SYMPK: variants seen among roughly 807,000 people sequenced by gnomAD.
SYMPK encodes the protein symplekin scaffold protein.
SYMPK carries 49 observed loss-of-function variants against 136.4 expected under a neutral mutation model. That is an observed-to-expected ratio of 0.36 (90% CI 0.29 to 0.46). The LOEUF is 0.46. SYMPK is among the 20% of genes least tolerant of loss of function. SYMPK has a pLI of 1.00. For missense variants in SYMPK, 1,365 were observed against 1,690.0 expected (o/e 0.81, Z 3.37); for synonymous variants, 766 against 713.0 (o/e 1.07, Z -1.19).
intron 10 of SYMPK, 78 bp downstream of exon 10, chr19:45,838,383 G>A: frequency 6.6e-7 from 1 of 1,505,270 alleles, no homozygotes; most frequent in South Asian, 1.3e-5. Context: ...GGTGGATGGT[G>A]TGAAGTGGAG....
intron 12 of SYMPK, 68 bp from the exon 13 acceptor site, chr19:45,830,272 C>T (rs1971137552): frequency 2.0e-6 from 3 of 1,528,346 alleles, no homozygotes; most frequent in East Asian, 2.4e-5. Context: ...TGGTGACTCT[C>T]CCAACTTCAA....
intron 11 of SYMPK, among the ~76,000 whole-genome samples, chr19:45,833,698 T>C (rs1414819307): frequency 6.6e-6 from 1 of 152,250 alleles, no homozygotes; most frequent in South Asian, 2.1e-4. Flanking sequence ...TTCAATGCCC[T>C]GAGGCATCTC....
At chr19:45,829,250 C>G in intron 13 of SYMPK, 45 bp from the exon 14 acceptor site, 1 of 1,547,620 alleles carries the variant, frequency 6.5e-7, no homozygotes, top group Non-Finnish European at 8.9e-7. Context: ...GTGGGCAATC[C>G]AGGGACTCCG....
In SYMPK at chr19:45,821,405, C is replaced by G; in HGVS notation, c.2872G>C (p.Asp958His). 6.2e-7 allele frequency: 1 copy of G among 1,613,912 alleles called. No individual in the cohort carries two copies. The highest frequency in any genetic ancestry group is 8.5e-7 in the Non-Finnish European group (1 of 1,179,904). ...TCACCTTTGATGATGGATTTCATGTCGCACTTCACGGAGTCAATGTTGTGT... is the reference window on the plus strand; with the variant it reads ...TCACCTTTGATGATGGATTTCATGTGGCACTTCACGGAGTCAATGTTGTGT... ...ALHNIDSVKCDMKSIIKATNL... is the reference protein window; with the variant it reads ...ALHNIDSVKCHMKSIIKATNL... The change falls in exon 22 of 27, where the codon GAC (aspartate) becomes CAC (histidine). Residue 958 changes from aspartate to histidine, a missense_variant. Around this residue, in one of 11 missense-constraint regions of SYMPK, gnomAD observed 156 missense variants for 217.8 expected, o/e 0.72. Coordinates refer to ENST00000245934, the MANE Select transcript of SYMPK (RefSeq NM_004819.3). This position sits in a 1 kb window ranked among gnomAD's most constrained non-coding sequence, Gnocchi z 4.4.
At chr19:45,844,231 G>A (rs1971509960) in intron 7 of SYMPK, 31 bp from the exon 8 acceptor site, 1 of 1,519,684 alleles carries the variant, frequency 6.6e-7, no homozygotes, top group Non-Finnish European at 8.9e-7. Flanking sequence ...CCAGTCAGTG[G>A]GATCCGTTTT....
chr19:45,839,846 CA>C (rs1397497326), intron 9 of SYMPK, among the ~76,000 whole-genome samples: 2 of 149,592 alleles, frequency 1.3e-5, no homozygotes, highest in African/African-American at 4.9e-5. Context: ...CAAAACAAAA[CA>C]AAACAAAAAA....
intron 14 of SYMPK, 63 bp downstream of exon 14, chr19:45,828,907 G>C: frequency 2.0e-6 from 3 of 1,519,796 alleles, no homozygotes; most frequent in Non-Finnish European, 2.7e-6. Flanking sequence ...AATCAGAAAG[G>C]GAGGGCAGCA....
chr19:45,847,830 C>T lies in SYMPK; in HGVS notation c.598G>A (p.Asp200Asn). 6.2e-7 allele frequency: 1 copy of T among 1,614,082 alleles called. No individual in the cohort carries two copies. Among genetic ancestry groups the T allele is most frequent in the Non-Finnish European group, 8.5e-7 (1 of 1,180,022 alleles). The change falls in exon 7 of 27, where the codon GAC becomes AAC. Residue 200 changes from aspartate (D) to asparagine (N), a missense_variant. Physicochemically the swap from Asp to Asn is conservative, Grantham distance 23. This residue lies in a region of SYMPK where 237 missense variants were observed against 292.9 expected (regional missense o/e 0.81). Transcript: ENST00000245934. ...TCCTGGCGTCGGGGTATCTCTGAGT[C>T]AGCCATGCGGGGTGACAGGGTGACA... is the stretch of plus-strand genomic sequence containing the variant. ...LIVTLSPRMA[D>N]SEIPRRQEHD... is the part of the protein sequence containing the mutation.
chr19:45,828,089 G>A (rs922139470), intron 14 of SYMPK, 171 bp from the exon 15 acceptor site: 11 of 600,880 alleles, frequency 1.8e-5, no homozygotes, highest in Middle Eastern at 4.2e-4. Flanking sequence ...AAAAGCTGGC[G>A]GCTGGATGAT....
chr19:45,837,904 C>T (rs1971341666), intron 10 of SYMPK, among the ~76,000 whole-genome samples: 1 of 152,056 alleles, frequency 6.6e-6, no homozygotes, highest in Non-Finnish European at 1.5e-5. Flanking sequence ...AAGTGTAGTT[C>T]TGCCACATGA....
intron 22 of SYMPK, 86 bp from the exon 23 acceptor site, chr19:45,818,232 G>A (rs987094271): frequency 1.5e-6 from 2 of 1,345,922 alleles, no homozygotes; most frequent in African/African-American, 2.9e-5. Context: ...GTCTGCCCAT[G>A]TGAGGGGAAG....
rs1302827301 is a variant in SYMPK at position 45,831,572 on chromosome 19, T to C, written c.1410A>G (p.Lys470=). 6.2e-7 allele frequency: 1 copy of C among 1,606,152 alleles called. No individual in the cohort carries two copies. Residue 470 remains lysine, a synonymous_variant, in exon 12 of 27, where the codon AAA becomes AAG. Transcript: ENST00000245934. ...CCTCCTTGGGCTCCTCCTTGCACTG[T>C]TTGGTCTGCTCTACACCTGAGGGGG... ...AGLGPGVEQT[K]QCKEEPKEEK...
At chr19:45,815,771 C>T in intron 26 of SYMPK, 74 bp from the exon 27 acceptor site, 1 of 1,586,408 alleles carries the variant, frequency 6.3e-7, no homozygotes, top group Non-Finnish European at 8.6e-7. Context: ...AGGCCCTGCC[C>T]CCTGATGGCC....
At position 45,821,327 on chromosome 19, in the gene SYMPK, G is replaced by A. The variant is rs899767977; in HGVS notation, c.2893+57C>T. The A allele has an allele frequency of 1.4e-5, 18 of 1,304,912 alleles. No individual in the cohort carries two copies. Among genetic ancestry groups the A allele is most frequent in the East Asian group, 2.3e-5 (1 of 43,480 alleles). The allele number at this position is 1,304,912 out of a possible 1,614,324, so 80.8% of individuals were successfully genotyped here. A position where few individuals can be genotyped will look rare whatever the true frequency, so the allele number is the denominator to read the frequency against. ...CCAGTGGGGGCATGTGGGTGACTGA[G>A]GTCCTGCCCTGGCGTCGCAGGGGCC... On this transcript the variant is annotated intron_variant, in intron 22 of 26. Transcript: ENST00000245934. The surrounding 1 kb of genome is among the most constrained non-coding windows in gnomAD (Gnocchi z 4.4).
At chr19:45,828,789 T>C (rs764848962) in intron 14 of SYMPK, 181 bp downstream of exon 14, 32 of 621,830 alleles carry the variant, frequency 5.1e-5, no homozygotes, top group Non-Finnish European at 8.2e-5. Flanking sequence ...GGAGCCCACA[T>C]GCAAAACTAC....
At chr19:45,846,232 T>C (rs939146146) in intron 7 of SYMPK, among the ~76,000 whole-genome samples, 1 of 152,128 alleles carries the variant, frequency 6.6e-6, no homozygotes, top group African/African-American at 2.4e-5. Context: ...CGAGACTCCG[T>C]CTCAAAAAAT....
rs1972016439 is a variant in SYMPK at position 45,863,134 on chromosome 19, A to C, written c.-89T>G. 2.5e-6 allele frequency: 1 copy of C among 405,822 alleles called. No homozygotes were observed. Among genetic ancestry groups the C allele is most frequent in the Non-Finnish European group, 4.3e-6 (1 of 230,722 alleles). The allele number at this position is 405,822 out of a possible 1,614,324, so 25.1% of individuals were successfully genotyped here. ...ACACTCCGCCGCCGCCGCCGCCGCCATCTTCCGTTCGTCGCCGGGAACGGT... is the reference window on the plus strand; with the variant it reads ...ACACTCCGCCGCCGCCGCCGCCGCCCTCTTCCGTTCGTCGCCGGGAACGGT... On this transcript the variant is annotated 5_prime_UTR_variant, in exon 1 of 27. An upstream start codon of the reference 5' UTR is lost. Coordinates refer to ENST00000245934, the MANE Select transcript of SYMPK (RefSeq NM_004819.3).
At chr19:45,835,027 G>A (rs1465553140) in intron 11 of SYMPK, 51 bp downstream of exon 11, 1 of 1,455,024 alleles carries the variant, frequency 6.9e-7, no homozygotes. Flanking sequence ...GGAGAACCCA[G>A]AAGCCACAAG....
chr19:45,821,496 C>T lies in SYMPK; in HGVS notation c.2792-11G>A, dbSNP rs372601358. Reference sequence around the variant, plus strand: ...CTGAGTTTCCCTCACCTGCAGCAGGCGGGAGGAAGGGTGGGGGAAGACAGT... The same window carrying T: ...CTGAGTTTCCCTCACCTGCAGCAGGTGGGAGGAAGGGTGGGGGAAGACAGT... On this transcript the variant is annotated splice_polypyrimidine_tract_variant and intron_variant, in intron 21 of 26. Transcript: ENST00000245934. This position sits in a 1 kb window ranked among gnomAD's most constrained non-coding sequence, Gnocchi z 4.4. 28 of 1,600,852 alleles carry T rather than the reference C, an allele frequency of 1.7e-5. No homozygotes were observed. Among genetic ancestry groups the T allele is most frequent in the African/African-American group, 6.7e-5 (5 of 74,388 alleles).
Sources: allele counts gnomAD v4.1 joint callset (sites outside exome capture counted in the v4.1 genomes callset), GRCh38; gene constraint gnomAD v4.1.1; regional missense constraint gnomAD v4.1.1; non-coding constraint Gnocchi (gnomAD v3.1); transcripts MANE v1.5; gene names NCBI Gene and HGNC (gene_info 2026-07-23, HGNC 2026-07-21).